CSPG4: variants seen among roughly 807,000 people sequenced by gnomAD.
CSPG4 encodes chondroitin sulfate proteoglycan 4.
CSPG4 carries 74 observed loss-of-function variants against 139.3 expected under a neutral mutation model. That is an observed-to-expected ratio of 0.53 (90% CI 0.44 to 0.64). The LOEUF (loss-of-function observed/expected upper bound fraction) is 0.64, where lower values mean the gene tolerates loss of function less well. Among genes scored for constraint, CSPG4 ranks in the 30% least tolerant of loss-of-function variants. The pLI, the probability that CSPG4 is intolerant of heterozygous loss-of-function variation, is 0.00. For synonymous variants in CSPG4, 1,234 were observed against 1,394.2 expected (o/e 0.89, Z 2.56); for missense variants, 2,565 against 3,148.3 (o/e 0.81, Z 4.43).
At chr15:75,681,817 T>A (rs1225904872) in intron 8 of CSPG4, among the ~76,000 whole-genome samples, 1 of 152,142 alleles carries the variant, frequency 6.6e-6, no homozygotes, top group African/African-American at 2.4e-5. Context: ...TTTCATCAGC[T>A]CATCTGCCCC....
intron 1 of CSPG4, among the ~76,000 whole-genome samples, chr15:75,706,453 G>A (rs528187372): frequency 1.3e-5 from 2 of 152,198 alleles, no homozygotes; most frequent in Non-Finnish European, 2.9e-5. Flanking sequence ...GTGTGTGTGT[G>A]CACACACACG....
rs772517423 is a variant in CSPG4 at position 75,690,829 on chromosome 15, A to G, written c.253-17T>C. The G allele has an allele frequency of 4.4e-6, 7 of 1,587,960 alleles. No homozygotes were observed. The highest frequency in any genetic ancestry group is 6.0e-6 in the Non-Finnish European group (7 of 1,164,450). ...AAGTCTGACCTGAAGAGAGATGGGG[A>G]GTGGGAGATAGTGGACAGCACTTTG... On this transcript the variant is annotated splice_polypyrimidine_tract_variant and intron_variant, in intron 2 of 9. Coordinates refer to ENST00000308508, the MANE Select transcript of CSPG4 (RefSeq NM_001897.5).
At chr15:75,712,926 G>A, upstream of CSPG4, 4 of 555,086 alleles carry the variant, frequency 7.2e-6, no homozygotes, top group South Asian at 6.9e-5. Flanking sequence ...CGGGTTTCAG[G>A]CTTGGACTCC....
At chr15:75,701,274 G>T (rs1894298154) in intron 1 of CSPG4, among the ~76,000 whole-genome samples, 1 of 152,238 alleles carries the variant, frequency 6.6e-6, no homozygotes, top group African/African-American at 2.4e-5. Flanking sequence ...TGTGATGAGG[G>T]AGGTGATGTC....
chr15:75,712,489 G>A (rs1894459218), intron 1 of CSPG4, among the ~76,000 whole-genome samples, 179 bp downstream of exon 1: 2 of 152,146 alleles, frequency 1.3e-5, no homozygotes, highest in African/African-American at 2.4e-5. Context: ...CTGAGATAGC[G>A]GGGTCCCGTG....
intron 1 of CSPG4, among the ~76,000 whole-genome samples, chr15:75,706,837 T>C (rs1008382876): frequency 2.6e-5 from 4 of 152,006 alleles, no homozygotes; most frequent in African/African-American, 9.7e-5. Context: ...GAGAAGGACA[T>C]AGCACAGCAC....
chr15:75,682,897 G>GC lies in CSPG4; in HGVS notation c.4593dup (p.Arg1532AlafsTer31). 2 of 1,610,716 alleles carry GC rather than the reference G, an allele frequency of 1.2e-6. No individual in the cohort carries two copies. The highest frequency in any genetic ancestry group is 1.7e-6 in the Non-Finnish European group (2 of 1,179,584). Reference sequence around the variant, plus strand: ...TCCAGCTGGGCCTGCGTGAAGCTGCGCACCTCAGTGCCCGGCGCCCCCCGC... The same window carrying GC: ...TCCAGCTGGGCCTGCGTGAAGCTGCGCCACCTCAGTGCCCGGCGCCCCCCGC... On this transcript the variant is annotated frameshift_variant, in exon 6 of 10. Transcript: ENST00000308508. LOFTEE classifies it high-confidence loss of function.
chr15:75,682,538 C>A (rs1364843634), intron 7 of CSPG4, 69 bp downstream of exon 7: 27 of 1,595,312 alleles, frequency 1.7e-5, no homozygotes, highest in Non-Finnish European at 2.2e-5. Context: ...GCAGCGTGAC[C>A]CTGGCATGCC....
chr15:75,709,232 G>A (rs975958235), intron 1 of CSPG4, among the ~76,000 whole-genome samples: 3 of 152,204 alleles, frequency 2.0e-5, no homozygotes, highest in African/African-American at 7.2e-5. Context: ...CAGTAAATCT[G>A]AAACCTGCCC....
upstream of CSPG4, among the ~76,000 whole-genome samples, chr15:75,713,363 T>C (rs1208148821): frequency 6.6e-6 from 1 of 152,212 alleles, no homozygotes; most frequent in African/African-American, 2.4e-5. Flanking sequence ...TGACCTTCTC[T>C]GCCTGGAAGG....
intron 1 of CSPG4, among the ~76,000 whole-genome samples, chr15:75,710,173 A>C (rs1262237518): frequency 7.2e-5 from 11 of 152,044 alleles, no homozygotes; most frequent in Non-Finnish European, 1.2e-4. Context: ...GTACTCCCCA[A>C]CCTGGGTCCC....
chr15:75,709,852 C>T (rs1047530519), intron 1 of CSPG4, among the ~76,000 whole-genome samples: 6 of 151,958 alleles, frequency 3.9e-5, no homozygotes, highest in African/African-American at 1.2e-4. Flanking sequence ...CCTGCCCGGG[C>T]GGGCAGGCGT....
At position 75,705,724 on chromosome 15, in the gene CSPG4, T is replaced by C. The variant is rs1046701637; in HGVS notation, c.88+6944A>G. On this transcript the variant is annotated intron_variant, in intron 1 of 9. Coordinates refer to ENST00000308508, the MANE Select transcript of CSPG4 (RefSeq NM_001897.5). ...GCTCAGGACTCAGAGGAGGGAGAGA[T>C]GGGGCCTGGGTCAGGGCTGAGGGGC... Among the ~76,000 whole-genome samples, 57 of 152,004 alleles carry C rather than the reference T, an allele frequency of 3.7e-4. 1 individual carries two copies. Among genetic ancestry groups the C allele is most frequent in the South Asian group, 8.3e-4 (4 of 4,796 alleles).
intron 5 of CSPG4, among the ~76,000 whole-genome samples, chr15:75,683,364 C>T (rs1489935923): frequency 6.6e-6 from 1 of 152,234 alleles, no homozygotes; most frequent in Non-Finnish European, 1.5e-5. Context: ...AGTTCTCACT[C>T]CCAGAAACCC....
Position 75,677,710 on chromosome 15 carries a change from C to T in CSPG4, c.5127G>A (p.Lys1709=), listed in dbSNP as rs765546789. Reference sequence around the variant, plus strand: ...GCTTATCATGCTGTTCACCTTTGTTCTTCCAGAGGTGGCTGGGGCGCTGGG... The same window carrying T: ...GCTTATCATGCTGTTCACCTTTGTTTTTCCAGAGGTGGCTGGGGCGCTGGG... ...ACPQRPSHLW[K]NKGLWVPEGQ... The change falls in exon 9 of 10, where the codon AAG becomes AAA. Residue 1709 remains lysine (K), a synonymous_variant. Coordinates refer to ENST00000308508, the MANE Select transcript of CSPG4 (RefSeq NM_001897.5). 1.1e-4 allele frequency: 169 copies of T among 1,600,480 alleles called. 1 individual carries two copies. In the East Asian group the frequency reaches 3.8e-3, roughly 36 times the overall value.
rs1261286958 is a variant in CSPG4, at chr15:75,682,386, G to C, written c.4857C>G (p.Leu1619=). ...SSAGTDPQLL[L]YRVVRGPQLG... ...GCTGGGGGCCCCGCACCACACGGTA[G>C]AGCAGGAGCTGGGGGTCAGTGCCTG... The change falls in exon 8 of 10, where the codon CTC becomes CTG. Residue 1619 remains leucine, a synonymous_variant. Transcript: ENST00000308508. 1.9e-6 allele frequency: 3 copies of C among 1,596,740 alleles called. No homozygotes were observed. Among genetic ancestry groups the C allele is most frequent in the Non-Finnish European group, 2.5e-6 (3 of 1,179,692 alleles).
intron 1 of CSPG4, among the ~76,000 whole-genome samples, chr15:75,701,304 G>A (rs1056559596): frequency 1.3e-5 from 2 of 152,216 alleles, no homozygotes; most frequent in African/African-American, 4.8e-5. Flanking sequence ...GGGAACGAAA[G>A]GATCAAATGA....
intron 1 of CSPG4, among the ~76,000 whole-genome samples, chr15:75,695,503 GC>G (rs1205607434): frequency 6.6e-6 from 1 of 152,156 alleles, no homozygotes; most frequent in African/African-American, 2.4e-5. Context: ...TGGCCAGGCA[GC>G]CCCCCACCCC....
intron 2 of CSPG4, among the ~76,000 whole-genome samples, chr15:75,691,739 C>T (rs1193024407): frequency 2.6e-5 from 4 of 152,072 alleles, no homozygotes; most frequent in African/African-American, 7.2e-5. Context: ...GGCTCTGGTA[C>T]GGTGCTCCCA....
Sources: allele counts gnomAD v4.1 joint callset (sites outside exome capture counted in the v4.1 genomes callset), GRCh38; gene constraint gnomAD v4.1.1; transcripts MANE v1.5; gene names NCBI Gene and HGNC (gene_info 2026-07-23, HGNC 2026-07-21).